The following ITPKC variants were observed in gnomAD, a reference collection of about 807,000 sequenced individuals.
ITPKC encodes inositol-trisphosphate 3-kinase C, also known as IP3 3-kinase C.
In ITPKC, 33 loss-of-function variants were observed where a neutral mutation model predicts 67.1. The ratio of observed to expected loss-of-function variants is 0.49; its 90% confidence interval spans 0.37 to 0.66. The LOEUF is 0.66. Ranked by LOEUF, ITPKC falls within the 30% of genes least tolerant of loss-of-function variation. The pLI is 0.00. For missense variants in ITPKC, 820 were observed against 892.1 expected (o/e 0.92, Z 1.03); for synonymous variants, 341 against 359.8 (o/e 0.95, Z 0.59).
At chr19:40,739,117 A>C (rs11083566) in intron 6 of ITPKC, among the ~76,000 whole-genome samples, 69,739 of 152,076 alleles carry the variant, frequency 0.46, 16,852 homozygotes, top group South Asian at 0.58. Context: ...AAAGAAAATG[A>C]AACCACGGAC....
At chr19:40,730,125 TG>T (rs1388490085) in intron 3 of ITPKC, among the ~76,000 whole-genome samples, 1 of 152,114 alleles carries the variant, frequency 6.6e-6, no homozygotes, top group Non-Finnish European at 1.5e-5. Context: ...TTAGTAGAGA[TG>T]GGGTTTCACC....
At chr19:40,734,011 T>TC (rs1332600922) in intron 4 of ITPKC, among the ~76,000 whole-genome samples, 1 of 152,210 alleles carries the variant, frequency 6.6e-6, no homozygotes, top group Non-Finnish European at 1.5e-5. Flanking sequence ...TCCCATTCTG[T>TC]CCCTCTATCC....
chr19:40,729,137 C>T, intron 2 of ITPKC, 65 bp from the exon 3 acceptor site: 16 of 1,284,450 alleles, frequency 1.2e-5, no homozygotes, highest in Non-Finnish European at 1.8e-5. Flanking sequence ...TGCAAACAGG[C>T]AGCTGCGGAG....
chr19:40,734,099 T>G (rs910369335), intron 4 of ITPKC, among the ~76,000 whole-genome samples: 1 of 152,176 alleles, frequency 6.6e-6, no homozygotes, highest in African/African-American at 2.4e-5. Context: ...GAGTTGTAGA[T>G]CCGAAATGTT....
chr19:40,739,746 G>A lies in ITPKC; in HGVS notation c.*186G>A, dbSNP rs569397376. 1 of 594,248 alleles carries A rather than the reference G, an allele frequency of 1.7e-6. No individual in the cohort carries two copies. The highest frequency in any genetic ancestry group is 3.0e-6 in the Non-Finnish European group (1 of 335,226). 36.8% of individuals were successfully genotyped at this position (594,248 alleles called of 1,614,324 possible). On this transcript the variant is annotated 3_prime_UTR_variant, in exon 7 of 7. Coordinates refer to ENST00000263370, the MANE Select transcript of ITPKC (RefSeq NM_025194.3). The stretch of plus-strand genomic sequence containing the variant: ...GGCCTTGGGAGACCAGGTAGCACCT[G>A]GCCCCATCATGATGCAGGGGTTTTG...
chr19:40,736,935 G>A lies in ITPKC; in HGVS notation c.1675-51G>A, dbSNP rs750793332. The stretch of plus-strand genomic sequence containing the variant: ...GGTATTTGAGGTTGCTGGGTATTGG[G>A]TGCGGGAAGGAAAAGCCCATGACCC... On this transcript the variant is annotated intron_variant, in intron 4 of 6. Transcript: ENST00000263370. 5.5e-6 allele frequency: 7 copies of A among 1,278,096 alleles called. No individual in the cohort carries two copies. The African/African-American group carries it at 7.4e-5, about 14-fold the overall frequency. 79.2% of individuals were successfully genotyped at this position (1,278,096 alleles called of 1,614,324 possible). A position where few individuals can be genotyped will look rare whatever the true frequency, so the allele number is the denominator to read the frequency against.
At chr19:40,723,644 G>A in intron 1 of ITPKC, among the ~76,000 whole-genome samples, 1 of 151,928 alleles carries the variant, frequency 6.6e-6, no homozygotes, top group Middle Eastern at 3.2e-3. Context: ...CTACAGGTGT[G>A]TATCACCACG....
intron 5 of ITPKC, 82 bp from the exon 6 acceptor site, chr19:40,737,616 G>A (rs1374037484): frequency 8.2e-7 from 1 of 1,220,160 alleles, no homozygotes; most frequent in African/African-American, 1.5e-5. Context: ...TCCTTTGGGG[G>A]AATGGGGTGA....
Position 40,729,175 on chromosome 19 carries a change from T to A in ITPKC, c.1256-27T>A, listed in dbSNP as rs151041227. ...GTTCTCTTCCTGATCCAGTTCCTGA[T>A]CCTCTCATTTATTCTACCACCTTTA... On this transcript the variant is annotated intron_variant, in intron 2 of 6. Coordinates refer to ENST00000263370, the MANE Select transcript of ITPKC (RefSeq NM_025194.3). 1,394 of 1,580,910 alleles carry A rather than the reference T, an allele frequency of 8.8e-4. 12 individuals are homozygous for A. The African/African-American group carries it at 0.017, about 19-fold the overall frequency.
intron 1 of ITPKC, 127 bp downstream of exon 1, chr19:40,718,417 C>T (rs1209673968): frequency 8.3e-7 from 1 of 1,198,804 alleles, no homozygotes. Flanking sequence ...CCGGGAACCT[C>T]TTCCATCCAC....
intron 3 of ITPKC, among the ~76,000 whole-genome samples, chr19:40,730,475 C>T (rs1215991361): frequency 6.6e-6 from 1 of 152,116 alleles, no homozygotes; most frequent in African/African-American, 2.4e-5. Context: ...TCTGTTGCCC[C>T]GACTGAAGTG....
intron 1 of ITPKC, 114 bp downstream of exon 1, chr19:40,718,404 T>G (rs2144729325): frequency 7.4e-7 from 1 of 1,352,736 alleles, no homozygotes; most frequent in Non-Finnish European, 9.7e-7. Flanking sequence ...AGCAATTTCA[T>G]CTCCGGGAAC....
chr19:40,739,458 G>T lies in ITPKC; in HGVS notation c.1950G>T (p.Thr650=). 1 of 1,613,542 alleles carries T rather than the reference G, an allele frequency of 6.2e-7. No homozygotes were observed. The highest frequency in any genetic ancestry group is 8.5e-7 in the Non-Finnish European group (1 of 1,179,974). The change falls in exon 7 of 7, where the codon ACG becomes ACT. Residue 650 remains threonine, a synonymous_variant. Coordinates refer to ENST00000263370, the MANE Select transcript of ITPKC (RefSeq NM_025194.3). ...CGGTGGCCTTGCCCGACCACCAGAC[G>T]CTCAGCCACAGGCTGCCCTGGGCTG... ...GKTVALPDHQ[T]LSHRLPWAEG...
chr19:40,738,306 G>A (rs1322409582), intron 6 of ITPKC, among the ~76,000 whole-genome samples: 1 of 152,168 alleles, frequency 6.6e-6, no homozygotes, highest in Admixed American at 6.5e-5. Context: ...GCGGGCGCCT[G>A]TAGTCCCAGC....
chr19:40,728,175 G>A (rs188507150), intron 2 of ITPKC, among the ~76,000 whole-genome samples: 22 of 152,170 alleles, frequency 1.4e-4, no homozygotes, highest in Admixed American at 1.4e-3. Context: ...TTCGAGACCA[G>A]CCTGGGCATC....
intron 3 of ITPKC, among the ~76,000 whole-genome samples, chr19:40,732,161 C>T (rs555470876): frequency 5.4e-4 from 80 of 147,234 alleles, no homozygotes; most frequent in Middle Eastern, 3.7e-3. Flanking sequence ...CACTTGAACC[C>T]GGGAGGTCCT....
intron 2 of ITPKC, among the ~76,000 whole-genome samples, chr19:40,727,062 C>T (rs370565111): frequency 1.6e-4 from 24 of 151,994 alleles, no homozygotes; most frequent in Non-Finnish European, 2.5e-4. Flanking sequence ...ACGCCAGGGG[C>T]GGTGGCTCAC....
Position 40,739,901 on chromosome 19 carries a change from C to T in ITPKC, c.*341C>T. 6.4e-6 allele frequency: 2 copies of T among 313,408 alleles called. No individual in the cohort carries two copies. Among genetic ancestry groups the T allele is most frequent in the South Asian group, 3.7e-5 (1 of 26,962 alleles). 19.4% of individuals were successfully genotyped at this position (313,408 alleles called of 1,614,324 possible). A position where few individuals can be genotyped will look rare whatever the true frequency, so the allele number is the denominator to read the frequency against. On this transcript the variant is annotated 3_prime_UTR_variant, in exon 7 of 7. Transcript: ENST00000263370. ...TCACATGTCACAGGGTATGGTGTGA[C>T]AGGGTGCCTGTGGACACATGAATCA...
intron 1 of ITPKC, among the ~76,000 whole-genome samples, chr19:40,721,548 T>A (rs1270943819): frequency 6.6e-6 from 1 of 151,690 alleles, no homozygotes; most frequent in Non-Finnish European, 1.5e-5. Context: ...TTTTTTTTTT[T>A]AGTAGAGAGT....
Sources: allele counts gnomAD v4.1 joint callset (sites outside exome capture counted in the v4.1 genomes callset), GRCh38; gene constraint gnomAD v4.1.1; transcripts MANE v1.5; gene names NCBI Gene and HGNC (gene_info 2026-07-23, HGNC 2026-07-21).